CADM2: variants seen among roughly 807,000 people sequenced by gnomAD.
The protein encoded by CADM2 is cell adhesion molecule 2.
In CADM2, 12 loss-of-function variants were observed where a neutral mutation model predicts 49.8. The observed-to-expected ratio is 0.24, with a 90% CI of 0.15 to 0.39. CADM2 has a LOEUF of 0.39. CADM2 is among the 10% of genes least tolerant of loss of function. The pLI is 1.00. For synonymous variants in CADM2, 214 were observed against 175.4 expected, an observed-to-expected ratio of 1.22 and a Z score of -1.74; for missense variants, 378 against 492.3, an observed-to-expected ratio of 0.77 and a Z score of 2.20.
At chr3:85,533,259 A>G (rs1053689092) in intron 1 of CADM2, among the ~76,000 whole-genome samples, 12 of 152,312 alleles carry the variant, frequency 7.9e-5, no homozygotes, top group Admixed American at 7.8e-4. Flanking sequence ...TTTCCTTTAT[A>G]AGCAAATTAT....
intron 8 of CADM2, among the ~76,000 whole-genome samples, chr3:86,061,286 G>A (rs897110758): frequency 6.6e-6 from 1 of 151,892 alleles, no homozygotes; most frequent in Non-Finnish European, 1.5e-5. Context: ...TTGATAGGGG[G>A]TGTTTTTAGA....
intron 1 of CADM2, among the ~76,000 whole-genome samples, chr3:85,532,384 T>C (rs964183156): frequency 6.6e-6 from 1 of 152,192 alleles, no homozygotes; most frequent in Non-Finnish European, 1.5e-5. Flanking sequence ...GAGCAAATTT[T>C]TTTTATCTTT....
intron 1 of CADM2, among the ~76,000 whole-genome samples, chr3:85,471,844 T>A (rs2038784203): frequency 6.6e-6 from 1 of 151,638 alleles, no homozygotes; most frequent in Non-Finnish European, 1.5e-5. Flanking sequence ...AATATCTATA[T>A]TTTAAAGATT....
chr3:85,108,027 T>A (rs1431889843), intron 1 of CADM2, among the ~76,000 whole-genome samples: 1 of 152,084 alleles, frequency 6.6e-6, no homozygotes, highest in African/African-American at 2.4e-5. Flanking sequence ...TCTTTAAAAG[T>A]TAAATACACA....
intron 8 of CADM2, among the ~76,000 whole-genome samples, chr3:85,984,911 G>A (rs1727910004): frequency 6.6e-6 from 1 of 151,848 alleles, no homozygotes; most frequent in Admixed American, 6.6e-5. Flanking sequence ...GAGATTCGTT[G>A]CAACAGAACC....
At chr3:85,658,461 G>T (rs2065276335) in intron 1 of CADM2, among the ~76,000 whole-genome samples, 1 of 150,974 alleles carries the variant, frequency 6.6e-6, no homozygotes, top group Admixed American at 6.6e-5. Context: ...ACTTTGTTAT[G>T]GCAGCCCTAG....
intron 1 of CADM2, among the ~76,000 whole-genome samples, chr3:85,358,304 GC>G (rs1398349952): frequency 6.6e-6 from 1 of 151,868 alleles, no homozygotes; most frequent in Non-Finnish European, 1.5e-5. Context: ...TCTGAGCATT[GC>G]TTTCTAGAAT....
At chr3:86,001,067 T>C (rs1344987915) in intron 8 of CADM2, among the ~76,000 whole-genome samples, 1 of 152,116 alleles carries the variant, frequency 6.6e-6, no homozygotes. Flanking sequence ...TGATTAATAT[T>C]AGCATGCAAA....
At chr3:85,481,600 G>C (rs141412253) in intron 1 of CADM2, among the ~76,000 whole-genome samples, 1 of 151,516 alleles carries the variant, frequency 6.6e-6, no homozygotes, top group Non-Finnish European at 1.5e-5. Flanking sequence ...CATAAACACC[G>C]GGTGAGGGGT....
At chr3:85,810,107 G>T (rs1341121822) in intron 3 of CADM2, among the ~76,000 whole-genome samples, 1 of 152,056 alleles carries the variant, frequency 6.6e-6, no homozygotes, top group Non-Finnish European at 1.5e-5. Flanking sequence ...TCCTACTTTG[G>T]TGTCTGTAAG....
At chr3:85,901,693 TAATA>T (rs773515389) in intron 5 of CADM2, among the ~76,000 whole-genome samples, 25 of 152,186 alleles carry the variant, frequency 1.6e-4, no homozygotes, top group Admixed American at 3.3e-4. Flanking sequence ...GTATACAATT[TAATA>T]GTTTTTAGTA....
At chr3:85,247,216 A>T (rs2042669291) in intron 1 of CADM2, among the ~76,000 whole-genome samples, 1 of 152,142 alleles carries the variant, frequency 6.6e-6, no homozygotes, top group African/African-American at 2.4e-5. Context: ...TGTAATTCAC[A>T]TTAACACAAA....
chr3:85,160,974 C>G (rs1006194947), intron 1 of CADM2, among the ~76,000 whole-genome samples: 1 of 152,086 alleles, frequency 6.6e-6, no homozygotes, highest in Non-Finnish European at 1.5e-5. Context: ...GTGTCAGAGG[C>G]AAAGAAAGCT....
chr3:85,785,121 T>C (rs1421300015), intron 2 of CADM2, among the ~76,000 whole-genome samples: 2 of 152,196 alleles, frequency 1.3e-5, no homozygotes, highest in African/African-American at 4.8e-5. Context: ...GTAGTATTAG[T>C]TGTAATGTAT....
chr3:85,973,272 C>A (rs748842852), intron 8 of CADM2, among the ~76,000 whole-genome samples: 1 of 151,684 alleles, frequency 6.6e-6, no homozygotes, highest in Non-Finnish European at 1.5e-5. Context: ...GATGCTGAGG[C>A]AGAAAGATCG....
At chr3:85,235,035 T>A (rs1418130775) in intron 1 of CADM2, among the ~76,000 whole-genome samples, 7 of 151,902 alleles carry the variant, frequency 4.6e-5, no homozygotes, top group Admixed American at 4.6e-4. Flanking sequence ...CTCTCTCTCT[T>A]TCTCTCTCTG....
chr3:86,021,811 T>G (rs188606436), intron 8 of CADM2, among the ~76,000 whole-genome samples: 1 of 152,264 alleles, frequency 6.6e-6, no homozygotes, highest in Admixed American at 6.5e-5. Context: ...AAAACAGCAG[T>G]TATCAGTGGC....
chr3:85,107,683 CTCTT>C (rs374939751), intron 1 of CADM2, among the ~76,000 whole-genome samples: 51 of 105,194 alleles, frequency 4.8e-4, no homozygotes, highest in African/African-American at 1.7e-3. Flanking sequence ...TTCCTTCTTT[CTCTT>C]TCTTTCTTTC....
chr3:85,543,458 ATT>A (rs2061597864), intron 1 of CADM2, among the ~76,000 whole-genome samples: 1 of 47,878 alleles, frequency 2.1e-5, no homozygotes, highest in Non-Finnish European at 5.9e-5. Context: ...GTGTGTGTGT[ATT>A]TTTAGTAGAA....
Sources: gnomAD v4.1 joint callset for allele counts (sites outside exome capture counted in the v4.1 genomes callset) on GRCh38, gnomAD v4.1.1 for gene constraint, MANE v1.5 for transcripts, NCBI Gene and HGNC (gene_info 2026-07-23, HGNC 2026-07-21) for gene names.